RPUSD2: variants seen among roughly 807,000 people sequenced by gnomAD.
RPUSD2 encodes pseudouridylate synthase RPUSD2.
RPUSD2 carries 31 observed loss-of-function variants against 41.5 expected under a neutral mutation model. That is an observed-to-expected ratio of 0.75 (90% CI 0.56 to 1.01). The LOEUF is 1.01. Ranked by LOEUF, RPUSD2 falls within the 50% of genes least tolerant of loss-of-function variation. The pLI is 0.00. For synonymous variants in RPUSD2, 305 were observed against 289.7 expected, an observed-to-expected ratio of 1.05 and a Z score of -0.54; for missense variants, 749 against 724.7, an observed-to-expected ratio of 1.03 and a Z score of -0.38.
At position 40,573,777 on chromosome 15, in the gene RPUSD2, A is replaced by G. The variant is rs888873390; in HGVS notation, c.1154A>G (p.Asn385Ser). 1.2e-6 allele frequency: 2 copies of G among 1,614,074 alleles called. No individual in the cohort carries two copies. The highest frequency in any genetic ancestry group is 1.7e-5 in the Admixed American group (1 of 60,008). Residue 385 changes from asparagine (N) to serine (S), a missense_variant, in exon 3 of 3, where the codon AAC (asparagine) becomes AGC (serine). Coordinates refer to ENST00000315616, the MANE Select transcript of RPUSD2 (RefSeq NM_152260.3). ...CAGTTCTTGGGCCATCCCATTCTCAACGACCCCATCTACAACTCAGTTGCC... is the reference window on the plus strand; with the variant it reads ...CAGTTCTTGGGCCATCCCATTCTCAGCGACCCCATCTACAACTCAGTTGCC... ...HLQFLGHPIL[N>S]DPIYNSVAWG...
In RPUSD2 at chr15:40,571,602, A is replaced by G. The variant is rs1341948703; in HGVS notation, c.607-2A>G. The G allele has an allele frequency of 1.2e-6, 2 of 1,613,746 alleles. No individual in the cohort carries two copies. The highest frequency in any genetic ancestry group is 3.3e-5 in the Admixed American group (2 of 60,014). ...CTGACTTATTACCTATGTCTTTGAC[A>G]GGACAATGATTTCTTGCGGAACACA... On this transcript the variant is annotated splice_acceptor_variant, in intron 1 of 2. Coordinates refer to ENST00000315616, the MANE Select transcript of RPUSD2 (RefSeq NM_152260.3). LOFTEE classifies it high-confidence loss of function.
chr15:40,572,963 C>T (rs954263968), intron 2 of RPUSD2, among the ~76,000 whole-genome samples: 3 of 151,714 alleles, frequency 2.0e-5, no homozygotes, highest in African/African-American at 7.3e-5. Flanking sequence ...CACATTAGAG[C>T]CTAACTTACT....
Position 40,569,831 on chromosome 15 carries a change from T to C in RPUSD2, c.494T>C (p.Val165Ala), listed in dbSNP as rs750260796. 2 of 1,613,176 alleles carry C rather than the reference T, an allele frequency of 1.2e-6. No individual in the cohort carries two copies. The highest frequency in any genetic ancestry group is 3.3e-5 in the Admixed American group (2 of 59,910). Residue 165 changes from valine to alanine, a missense_variant, in exon 1 of 3, where the codon GTC (valine) becomes GCC (alanine). Coordinates refer to ENST00000315616, the MANE Select transcript of RPUSD2 (RefSeq NM_152260.3). ...TGGGTGGGCCACAGCTTGCTGCACG[T>C]CTTCAGTACCGAGTTCCGAGCTCAG... ...GRWVGHSLLH[V>A]FSTEFRAQPL...
chr15:40,572,288 C>T (rs1411867221), intron 2 of RPUSD2, among the ~76,000 whole-genome samples: 3 of 148,614 alleles, frequency 2.0e-5, no homozygotes, highest in African/African-American at 7.4e-5. Flanking sequence ...AAAGGCCAGG[C>T]GCAGTGGCTC....
Position 40,573,790 on chromosome 15 carries a change from C to T in RPUSD2, c.1167C>T (p.Tyr389=). Residue 389 remains tyrosine (Y), a synonymous_variant, in exon 3 of 3, where the codon TAC becomes TAT. Coordinates refer to ENST00000315616, the MANE Select transcript of RPUSD2 (RefSeq NM_152260.3). Reference sequence around the variant, plus strand: ...ATCCCATTCTCAACGACCCCATCTACAACTCAGTTGCCTGGGGTCCTTCTC... The same window carrying T: ...ATCCCATTCTCAACGACCCCATCTATAACTCAGTTGCCTGGGGTCCTTCTC... ...LGHPILNDPI[Y]NSVAWGPSRG... The T allele has an allele frequency of 1.9e-6, 3 of 1,614,260 alleles. No homozygotes were observed. The highest frequency in any genetic ancestry group is 2.5e-6 in the Non-Finnish European group (3 of 1,180,050).
In RPUSD2 at chr15:40,574,139, C is replaced by T. The variant is rs759726644; in HGVS notation, c.1516C>T (p.Arg506Ter). 6 of 1,614,048 alleles carry T rather than the reference C, an allele frequency of 3.7e-6. No homozygotes were observed. The highest frequency in any genetic ancestry group is 5.1e-6 in the Non-Finnish European group (6 of 1,180,032). The change falls in exon 3 of 3, where the codon CGA becomes TGA. Residue 506 changes from arginine to a stop codon, truncating the protein, a stop_gained. Transcript: ENST00000315616. LOFTEE classifies it high-confidence loss of function. ...ACTCTGTGCAGAGTGCCGGCTGGTG[C>T]GACAGGATCCCTTGCCCCAAGACCT... ...DPLCAECRLV[R>*]QDPLPQDLVM...
In RPUSD2 at chr15:40,574,405, C is replaced by T. The variant is rs1234035169; in HGVS notation, c.*144C>T. On this transcript the variant is annotated 3_prime_UTR_variant, in exon 3 of 3. Transcript: ENST00000315616. ...GAGACCTGCTCATACTTGCTACCTC[C>T]TTCCAGTGGGAATTTGGAGACTTTT... The T allele has an allele frequency of 4.4e-6, 4 of 916,800 alleles. No homozygotes were observed. In the East Asian group the frequency reaches 7.8e-5, roughly 18 times the overall value. The allele number at this position is 916,800 out of a possible 1,614,324, so 56.8% of individuals were successfully genotyped here. A position where few individuals can be genotyped will look rare whatever the true frequency, so the allele number is the denominator to read the frequency against.
In RPUSD2 at chr15:40,574,160, G is replaced by C; in HGVS notation, c.1537G>C (p.Asp513His). 3 of 1,614,166 alleles carry C rather than the reference G, an allele frequency of 1.9e-6. No homozygotes were observed. The highest frequency in any genetic ancestry group is 2.5e-6 in the Non-Finnish European group (3 of 1,180,034). ...GGTGCGACAGGATCCCTTGCCCCAAGACCTTGTGATGTTCCTACATGCCCT... is the reference window on the plus strand; with the variant it reads ...GGTGCGACAGGATCCCTTGCCCCAACACCTTGTGATGTTCCTACATGCCCT... ...RLVRQDPLPQ[D>H]LVMFLHALRY... Residue 513 changes from aspartate (D) to histidine (H), a missense_variant, in exon 3 of 3, where the codon GAC (aspartate) becomes CAC (histidine). Physicochemically the swap from Asp to His is moderately conservative, Grantham distance 81 (BLOSUM62 -1). Transcript: ENST00000315616.
chr15:40,574,312 A>C lies in RPUSD2; in HGVS notation c.*51A>C, dbSNP rs755795345. On this transcript the variant is annotated 3_prime_UTR_variant, in exon 3 of 3. Transcript: ENST00000315616. ...TCTTGGGTTGTGACAAGGATGGGCT[A>C]TAGGGCAAGGGCTGACCCCATGGGC... 2 of 1,569,796 alleles carry C rather than the reference A, an allele frequency of 1.3e-6. No individual in the cohort carries two copies. The highest frequency in any genetic ancestry group is 4.7e-4 in the Middle Eastern group (2 of 4,256).
intron 2 of RPUSD2, 119 bp from the exon 3 acceptor site, chr15:40,573,399 CGCAAAACTG>C: frequency 1.0e-6 from 1 of 991,018 alleles, no homozygotes; most frequent in East Asian, 2.5e-5. Flanking sequence ...TACCCAAGAT[CGCAAAACTG>C]GCGAATGGTA....
Position 40,571,793 on chromosome 15 carries a change from G to C in RPUSD2, c.796G>C (p.Glu266Gln). ...CCTAGGCAAGGAGCACCAACTCAAG[G>C]AGCTACACCCCTTGCATCGGCTTGA... ...FILGKEHQLK[E>Q]LHPLHRLDRL... Residue 266 changes from glutamate (E) to glutamine (Q), a missense_variant, in exon 2 of 3, where the codon GAG becomes CAG. Physicochemically the swap from Glu to Gln is conservative, Grantham distance 29 (BLOSUM62 2). Coordinates refer to ENST00000315616, the MANE Select transcript of RPUSD2 (RefSeq NM_152260.3). 1 of 1,614,238 alleles carries C rather than the reference G, an allele frequency of 6.2e-7. No individual in the cohort carries two copies. Among genetic ancestry groups the C allele is most frequent in the Non-Finnish European group, 8.5e-7 (1 of 1,180,042 alleles).
Position 40,573,600 on chromosome 15 carries a change from T to C in RPUSD2, c.977T>C (p.Leu326Ser). ...TEEVTCKEPI[L>S]VVSYKVGVCR... Reference sequence around the variant, plus strand: ...GAAGTGACCTGTAAAGAACCCATCTTAGTGGTGTCTTACAAAGTAGGGGTG... The same window carrying C: ...GAAGTGACCTGTAAAGAACCCATCTCAGTGGTGTCTTACAAAGTAGGGGTG... Residue 326 changes from leucine (L) to serine (S), a missense_variant, in exon 3 of 3, where the codon TTA (leucine) becomes TCA (serine). Leu to Ser is a moderately radical substitution (Grantham distance 145). Coordinates refer to ENST00000315616, the MANE Select transcript of RPUSD2 (RefSeq NM_152260.3). The C allele has an allele frequency of 6.2e-7, 1 of 1,614,178 alleles. No homozygotes were observed. Among genetic ancestry groups the C allele is most frequent in the Non-Finnish European group, 8.5e-7 (1 of 1,180,016 alleles).
intron 1 of RPUSD2, 67 bp from the exon 2 acceptor site, chr15:40,571,537 T>C: frequency 6.9e-7 from 1 of 1,449,334 alleles, no homozygotes; most frequent in Admixed American, 1.9e-5. Context: ...CAGGGGAAGC[T>C]GGATATGAAG....
intron 1 of RPUSD2, 112 bp from the exon 2 acceptor site, chr15:40,571,492 A>G (rs1249928374): frequency 4.2e-6 from 4 of 960,878 alleles, no homozygotes; most frequent in Non-Finnish European, 6.3e-6. Flanking sequence ...TCAGCCCAAG[A>G]TGTGCTTTCA....
chr15:40,573,714 C>A lies in RPUSD2; in HGVS notation c.1091C>A (p.Pro364Gln). 3 of 1,614,174 alleles carry A rather than the reference C, an allele frequency of 1.9e-6. No individual in the cohort carries two copies. Among genetic ancestry groups the A allele is most frequent in the Non-Finnish European group, 2.5e-6 (3 of 1,180,040 alleles). The stretch of plus-strand genomic sequence containing the variant: ...CAGTCCAGTGTGGTACGGTGCCGGC[C>A]ACTCACAGGCCGCACACACCAGATT... ...NGQSSVVRCRPLTGRTHQIRV... is the reference protein window; with the variant it reads ...NGQSSVVRCRQLTGRTHQIRV... Residue 364 changes from proline to glutamine, a missense_variant, in exon 3 of 3, where the codon CCA becomes CAA. Physicochemically the swap from Pro to Gln is moderately conservative, Grantham distance 76. Transcript: ENST00000315616.
rs1891191303 is a variant in RPUSD2 at position 40,573,682 on chromosome 15, C to T, written c.1059C>T (p.Tyr353=). The T allele has an allele frequency of 6.2e-7, 1 of 1,614,182 alleles. No individual in the cohort carries two copies. Residue 353 remains tyrosine, a synonymous_variant, in exon 3 of 3, where the codon TAC becomes TAT. Coordinates refer to ENST00000315616, the MANE Select transcript of RPUSD2 (RefSeq NM_152260.3). ...AGACAGTGTTCCAGAGGCTAAGCTA[C>T]AATGGCCAGTCCAGTGTGGTACGGT... is the stretch of plus-strand genomic sequence containing the variant. The part of the protein sequence containing the change: ...PCETVFQRLS[Y]NGQSSVVRCR...
chr15:40,574,350 T>C lies in RPUSD2; in HGVS notation c.*89T>C. 6.8e-7 allele frequency: 1 copy of C among 1,480,080 alleles called. No individual in the cohort carries two copies. 91.7% of individuals were successfully genotyped at this position (1,480,080 alleles called of 1,614,324 possible). On this transcript the variant is annotated 3_prime_UTR_variant, in exon 3 of 3. Coordinates refer to ENST00000315616, the MANE Select transcript of RPUSD2 (RefSeq NM_152260.3). The stretch of plus-strand genomic sequence containing the variant: ...TGACCCCATGGGCTAGTACTTGGGG[T>C]TTCTATAGGAATGAGGACGGGCTTC...
chr15:40,571,980 G>A (rs1276819354), intron 2 of RPUSD2, 80 bp downstream of exon 2: 6 of 1,428,376 alleles, frequency 4.2e-6, no homozygotes, highest in Non-Finnish European at 4.8e-6. Context: ...ATGGAGTTCC[G>A]AAGTGGTCCT....
rs1471993040 is a variant in RPUSD2, at chr15:40,572,255, C to T, written c.903+355C>T. Reference sequence around the variant, plus strand: ...CCAGCCTGGGCAAAATAGGGAGACCCTATCTCTACAAAAAAAAAAAAAAAA... The same window carrying T: ...CCAGCCTGGGCAAAATAGGGAGACCTTATCTCTACAAAAAAAAAAAAAAAA... On this transcript the variant is annotated intron_variant, in intron 2 of 2. Transcript: ENST00000315616. 8.3e-5 allele frequency among the ~76,000 whole-genome samples: 11 copies of T among 132,082 alleles called. No individual in the cohort carries two copies. The Admixed American group carries it at 9.0e-4, about 11-fold the overall frequency. The allele number at this position is 132,082 out of a possible 152,430, so 86.7% of individuals were successfully genotyped here.
Sources: allele counts gnomAD v4.1 joint callset (sites outside exome capture counted in the v4.1 genomes callset), GRCh38; gene constraint gnomAD v4.1.1; transcripts MANE v1.5; gene names NCBI Gene and HGNC (gene_info 2026-07-23, HGNC 2026-07-21).